The following UNC5D variants were observed in gnomAD, a reference collection of about 807,000 sequenced individuals.
UNC5D encodes the protein netrin receptor UNC5D.
UNC5D carries 39 observed loss-of-function variants against 105.4 expected under a neutral mutation model. The ratio of observed to expected loss-of-function variants is 0.37; its 90% CI spans 0.29 to 0.48. The LOEUF is 0.48. UNC5D is among the 20% of genes least tolerant of loss of function. UNC5D has a pLI of 0.98. For missense variants in UNC5D, 991 were observed against 1,202.4 expected (o/e 0.82, Z 2.60); for synonymous variants, 452 against 450.4 (o/e 1.00, Z -0.04).
At chr8:35,374,510 G>A (rs1037860318) in intron 1 of UNC5D, among the ~76,000 whole-genome samples, 3 of 152,186 alleles carry the variant, frequency 2.0e-5, no homozygotes, top group African/African-American at 7.2e-5. Flanking sequence ...GGTAGAGTTA[G>A]GTTGCTCACA....
At position 35,498,084 on chromosome 8, in the gene UNC5D, CAAAAAAAAAAAAAA is replaced by C. The variant is rs58175711; in HGVS notation, c.104-51194_104-51181del. 7.6e-3 allele frequency among the ~76,000 whole-genome samples: 442 copies of C among 58,208 alleles called. 4 individuals are homozygous for C. The highest frequency in any genetic ancestry group is 0.018 in the African/African-American group (410 of 22,176). 38.2% of individuals were successfully genotyped at this position (58,208 alleles called of 152,430 possible). ...AACTCCATCTCAAAACAAAACAAAA[CAAAAAAAAAAAAAA>C]AAAAAAAAAAAAAGCGGGGGAGAGT... On this transcript the variant is annotated intron_variant, in intron 1 of 16. Coordinates refer to ENST00000404895, the MANE Select transcript of UNC5D (RefSeq NM_080872.4).
chr8:35,365,237 G>A (rs944111319), intron 1 of UNC5D, among the ~76,000 whole-genome samples: 1 of 151,898 alleles, frequency 6.6e-6, no homozygotes, highest in Admixed American at 6.6e-5. Context: ...ATTAGTGTCT[G>A]GTATATCCCT....
intron 1 of UNC5D, among the ~76,000 whole-genome samples, chr8:35,312,747 T>G (rs1057453256): frequency 3.3e-5 from 5 of 152,204 alleles, no homozygotes; most frequent in African/African-American, 1.2e-4. Flanking sequence ...TCAAAGGAAG[T>G]GTTGAATTTA....
intron 1 of UNC5D, among the ~76,000 whole-genome samples, chr8:35,283,363 G>A (rs1806338255): frequency 6.6e-6 from 1 of 152,116 alleles, no homozygotes; most frequent in African/African-American, 2.4e-5. Flanking sequence ...ATCTGTGATG[G>A]AAGGTGAAAC....
intron 1 of UNC5D, among the ~76,000 whole-genome samples, chr8:35,428,419 C>G (rs1341047603): frequency 1.4e-5 from 2 of 145,664 alleles, no homozygotes; most frequent in Admixed American, 7.0e-5. Flanking sequence ...CTCCTGGGCT[C>G]AAGCGATCCT....
chr8:35,377,416 C>T (rs541198595), intron 1 of UNC5D, among the ~76,000 whole-genome samples: 6 of 152,290 alleles, frequency 3.9e-5, no homozygotes, highest in Non-Finnish European at 5.9e-5. Flanking sequence ...CAGCAGGCAG[C>T]ACCAGGGCAT....
intron 13 of UNC5D, among the ~76,000 whole-genome samples, chr8:35,756,824 A>G (rs576561418): frequency 6.6e-6 from 1 of 152,360 alleles, no homozygotes; most frequent in East Asian, 1.9e-4. Flanking sequence ...TACACTAAAT[A>G]ACACATGACC....
intron 1 of UNC5D, among the ~76,000 whole-genome samples, chr8:35,440,902 A>G (rs1807351311): frequency 6.6e-6 from 1 of 151,974 alleles, no homozygotes; most frequent in South Asian, 2.1e-4. Context: ...TCTTATCTCC[A>G]TGAAAGACTA....
chr8:35,321,042 G>C (rs573944387), intron 1 of UNC5D, among the ~76,000 whole-genome samples: 73 of 152,238 alleles, frequency 4.8e-4, no homozygotes, highest in African/African-American at 1.5e-3. Context: ...TTAGAAGTGT[G>C]TTCTTGTAGC....
At chr8:35,673,885 C>A (rs1586393045) in intron 4 of UNC5D, among the ~76,000 whole-genome samples, 1 of 152,184 alleles carries the variant, frequency 6.6e-6, no homozygotes, top group Non-Finnish European at 1.5e-5. Flanking sequence ...ATCGCCACAG[C>A]AGGACTTCAT....
chr8:35,432,649 T>C (rs1806721283), intron 1 of UNC5D, among the ~76,000 whole-genome samples: 1 of 152,152 alleles, frequency 6.6e-6, no homozygotes, highest in African/African-American at 2.4e-5. Flanking sequence ...GAGGAAAGTG[T>C]TTCAGGGTGG....
chr8:35,601,363 G>T (rs945617660), intron 4 of UNC5D, among the ~76,000 whole-genome samples: 3 of 152,226 alleles, frequency 2.0e-5, no homozygotes, highest in Non-Finnish European at 2.9e-5. Flanking sequence ...TGTGAAGAAA[G>T]GCAGTGAATC....
At chr8:35,463,104 G>A (rs4237083) in intron 1 of UNC5D, among the ~76,000 whole-genome samples, 135,066 of 152,140 alleles carry the variant, frequency 0.89, 60,218 homozygotes, top group Non-Finnish European at 0.91. Flanking sequence ...ATAGTTATTA[G>A]AAGCATTTCC....
chr8:35,352,877 T>G (rs924337684), intron 1 of UNC5D, among the ~76,000 whole-genome samples: 4 of 152,178 alleles, frequency 2.6e-5, no homozygotes, highest in Non-Finnish European at 4.4e-5. Context: ...CCTCCCAAAG[T>G]GCTGCAATTA....
chr8:35,599,169 A>G lies in UNC5D; in HGVS notation c.570+3512A>G, dbSNP rs1031635637. Among the ~76,000 whole-genome samples, 8 of 140,758 alleles carry G rather than the reference A, an allele frequency of 5.7e-5. No individual in the cohort carries two copies. The East Asian group carries it at 1.2e-3, about 22-fold the overall frequency. 92.3% of individuals were successfully genotyped at this position (140,758 alleles called of 152,430 possible). On this transcript the variant is annotated intron_variant, in intron 4 of 16. Transcript: ENST00000404895. ...AAAAAAAAAAAAAAAAAAAAAAAAAAGCTGAAGTCACAGAACTAGAGTAGA... is the reference window on the plus strand; with the variant it reads ...AAAAAAAAAAAAAAAAAAAAAAAAAGGCTGAAGTCACAGAACTAGAGTAGA...
chr8:35,564,952 C>T lies in UNC5D; in HGVS notation c.323-3146C>T, dbSNP rs142708482. Among the ~76,000 whole-genome samples the T allele has an allele frequency of 5.9e-5, 9 of 152,216 alleles. No homozygotes were observed. The East Asian group carries it at 1.5e-3, about 26-fold the overall frequency. Reference sequence around the variant, plus strand: ...TCATTGTTTTTTTGTGGCTGAGTGGCGCTCCATGATATGATACATTTTCTT... The same window carrying T: ...TCATTGTTTTTTTGTGGCTGAGTGGTGCTCCATGATATGATACATTTTCTT... On this transcript the variant is annotated intron_variant, in intron 2 of 16. Coordinates refer to ENST00000404895, the MANE Select transcript of UNC5D (RefSeq NM_080872.4).
intron 1 of UNC5D, among the ~76,000 whole-genome samples, chr8:35,444,198 C>A (rs1585857633): frequency 6.6e-6 from 1 of 151,960 alleles, no homozygotes; most frequent in Admixed American, 6.6e-5. Context: ...CTCTATTCTG[C>A]CCCACTGAAG....
intron 1 of UNC5D, among the ~76,000 whole-genome samples, chr8:35,335,792 G>A (rs979060786): frequency 5.2e-5 from 6 of 116,480 alleles, no homozygotes; most frequent in South Asian, 2.5e-4. Flanking sequence ...GAGACGGAGT[G>A]TCGCTCTGTC....
chr8:35,276,111 T>C (rs1413330012), intron 1 of UNC5D, among the ~76,000 whole-genome samples: 1 of 152,222 alleles, frequency 6.6e-6, no homozygotes, highest in Non-Finnish European at 1.5e-5. Flanking sequence ...AGTGTACATC[T>C]ATTTAATCAC....
Sources: allele counts gnomAD v4.1 joint callset (sites outside exome capture counted in the v4.1 genomes callset), GRCh38; gene constraint gnomAD v4.1.1; transcripts MANE v1.5; gene names NCBI Gene and HGNC (gene_info 2026-07-23, HGNC 2026-07-21).